Variants in ALMS1 observed in about 807,000 individuals in gnomAD.
The protein encoded by ALMS1 is ALMS1 centrosome and basal body associated protein.
A neutral mutation model predicts 352.2 loss-of-function variants in ALMS1; 271 were observed. The ratio of observed to expected loss-of-function variants is 0.77; its 90% CI spans 0.70 to 0.85. The LOEUF (loss-of-function observed/expected upper bound fraction) is 0.85, where lower values mean the gene tolerates loss of function less well. ALMS1 is among the 40% of genes least tolerant of loss of function. The pLI is 0.00. For missense variants in ALMS1, 5,445 were observed against 4,870.7 expected (o/e 1.12, Z -3.51); for synonymous variants, 1,865 against 1,761.2 (o/e 1.06, Z -1.48).
intron 10 of ALMS1, among the ~76,000 whole-genome samples, chr2:73,497,139 C>G (rs1419310353): frequency 6.6e-6 from 1 of 152,110 alleles, no homozygotes; most frequent in African/African-American, 2.4e-5. Context: ...AAAATATGCT[C>G]CTTCCTTCTG....
At chr2:73,422,495 G>T (rs576936773) in intron 3 of ALMS1, among the ~76,000 whole-genome samples, 2 of 152,268 alleles carry the variant, frequency 1.3e-5, no homozygotes, top group East Asian at 3.9e-4. Context: ...AAGAGCGTTT[G>T]CTAAAAGTTG....
rs2103785199 is a variant in ALMS1, at chr2:73,451,660, A to G, written c.5133A>G (p.Leu1711=). 6.2e-7 allele frequency: 1 copy of G among 1,613,720 alleles called. No homozygotes were observed. Among genetic ancestry groups the G allele is most frequent in the East Asian group, 2.2e-5 (1 of 44,814 alleles). Residue 1711 remains leucine, a synonymous_variant, in exon 8 of 23, where the codon TTA becomes TTG. Coordinates refer to ENST00000613296, the MANE Select transcript of ALMS1 (RefSeq NM_001378454.1). ...KTETPSVSSS[L]YSYREKPIVF... Reference sequence around the variant, plus strand: ...AGACACCATCAGTATCCTCTAGTTTATACTCATATAGAGAGAAGCCCATTG... The same window carrying G: ...AGACACCATCAGTATCCTCTAGTTTGTACTCATATAGAGAGAAGCCCATTG...
intron 7 of ALMS1, among the ~76,000 whole-genome samples, chr2:73,442,768 G>A (rs775480527): frequency 1.3e-5 from 2 of 152,100 alleles, no homozygotes; most frequent in Non-Finnish European, 2.9e-5. Context: ...CAGGGCTTCA[G>A]TTATTTCCTA....
At chr2:73,520,343 ATTATC>A (rs1017549696) in intron 11 of ALMS1, among the ~76,000 whole-genome samples, 4 of 152,190 alleles carry the variant, frequency 2.6e-5, no homozygotes, top group African/African-American at 7.2e-5. Flanking sequence ...TGGCGGATAA[ATTATC>A]TTGTATTACA....
chr2:73,450,302 A>G lies in ALMS1; in HGVS notation c.3775A>G (p.Thr1259Ala), dbSNP rs751253967. 3 of 1,612,830 alleles carry G rather than the reference A, an allele frequency of 1.9e-6. No individual in the cohort carries two copies. The highest frequency in any genetic ancestry group is 2.5e-6 in the Non-Finnish European group (3 of 1,179,560). Residue 1259 changes from threonine (T) to alanine (A), a missense_variant, in exon 8 of 23, where the codon ACT becomes GCT. Coordinates refer to ENST00000613296, the MANE Select transcript of ALMS1 (RefSeq NM_001378454.1). ...ACAGGTCTTGCCAGATAATCATCCA[A>G]CTGAAGAGGCTCTGAAAATTTCAGT... ...YQQVLPDNHPTEEALKISVAS... is the reference protein window; with the variant it reads ...YQQVLPDNHPAEEALKISVAS...
In ALMS1 at chr2:73,424,849, G is replaced by A. The variant is rs1264589561; in HGVS notation, c.1184G>A (p.Gly395Glu). 2.5e-6 allele frequency: 4 copies of A among 1,608,134 alleles called. No homozygotes were observed. Among genetic ancestry groups the A allele is most frequent in the Non-Finnish European group, 3.4e-6 (4 of 1,176,388 alleles). ...CATTTTGATGCTGCTCGTTCATATGGGCAGTATTGGACACAGGAAGATTCA... is the reference window on the plus strand; with the variant it reads ...CATTTTGATGCTGCTCGTTCATATGAGCAGTATTGGACACAGGAAGATTCA... ...SDHFDAARSY[G>E]QYWTQEDSSK... The change falls in exon 5 of 23, where the codon GGG becomes GAG. Residue 395 changes from glycine (G) to glutamate (E), a missense_variant. Physicochemically the swap from Gly to Glu is moderately conservative, Grantham distance 98. Coordinates refer to ENST00000613296, the MANE Select transcript of ALMS1 (RefSeq NM_001378454.1).
chr2:73,606,395 A>C (rs961293661), intron 21 of ALMS1, among the ~76,000 whole-genome samples: 3 of 152,180 alleles, frequency 2.0e-5, no homozygotes, highest in African/African-American at 7.2e-5. Flanking sequence ...GAAATCATAC[A>C]GGGTTTGTTG....
At chr2:73,573,633 G>A (rs764098240) in intron 16 of ALMS1, 29 of 671,318 alleles carry the variant, frequency 4.3e-5, no homozygotes, top group South Asian at 8.8e-5. Flanking sequence ...ATTACCTTTT[G>A]AATGAAGGGC....
chr2:73,439,208 C>T (rs980011738), intron 7 of ALMS1, among the ~76,000 whole-genome samples: 3 of 150,210 alleles, frequency 2.0e-5, no homozygotes, highest in African/African-American at 4.9e-5. Context: ...CCTTGAATTC[C>T]TGGGCTCAAG....
chr2:73,489,778 G>A lies in ALMS1; in HGVS notation c.7819G>A (p.Ala2607Thr), dbSNP rs1324287436. 11 of 1,613,964 alleles carry A rather than the reference G, an allele frequency of 6.8e-6. No homozygotes were observed. Among genetic ancestry groups the A allele is most frequent in the Non-Finnish European group, 9.3e-6 (11 of 1,180,028 alleles). The stretch of plus-strand genomic sequence containing the variant: ...TAGACACCCTTGTGCTTTCAGATCT[G>A]CTGGACCCTCAGAAATGACCAGAGG... ...LDRHPCAFRS[A>T]GPSEMTRGRQ... The change falls in exon 10 of 23, where the codon GCT becomes ACT. Residue 2607 changes from alanine to threonine, a missense_variant. Physicochemically the swap from Ala to Thr is moderately conservative, Grantham distance 58 (BLOSUM62 0). Coordinates refer to ENST00000613296, the MANE Select transcript of ALMS1 (RefSeq NM_001378454.1).
intron 9 of ALMS1, among the ~76,000 whole-genome samples, chr2:73,481,434 A>G (rs1490654649): frequency 6.6e-6 from 1 of 152,050 alleles, no homozygotes; most frequent in South Asian, 2.1e-4. Flanking sequence ...CCATTGATCT[A>G]TATCTCTGTT....
rs79817414 is a variant in ALMS1 at position 73,415,989 on chromosome 2, A to C, written c.451-3134A>C. 5.5e-3 allele frequency among the ~76,000 whole-genome samples: 838 copies of C among 152,300 alleles called. 10 individuals carry two copies. Among genetic ancestry groups the C allele is most frequent in the African/African-American group, 0.018 (746 of 41,562 alleles). ...AATTATTGCAGTAGAGGAACTAGAGAGTAAGTGATCTGTGGAGGTCAGAGG... is the reference window on the plus strand; with the variant it reads ...AATTATTGCAGTAGAGGAACTAGAGCGTAAGTGATCTGTGGAGGTCAGAGG... On this transcript the variant is annotated intron_variant, in intron 2 of 22. Transcript: ENST00000613296.
intron 13 of ALMS1, among the ~76,000 whole-genome samples, chr2:73,555,388 G>A (rs1674521644): frequency 6.6e-6 from 1 of 152,140 alleles, no homozygotes. Flanking sequence ...ATTCAATAGA[G>A]TTTGAACCAA....
At chr2:73,440,504 ACCT>A (rs1433610924) in intron 7 of ALMS1, among the ~76,000 whole-genome samples, 2 of 150,886 alleles carry the variant, frequency 1.3e-5, no homozygotes, top group Non-Finnish European at 3.0e-5. Context: ...GCTCACTGAA[ACCT>A]CTGCTTCCGG....
intron 7 of ALMS1, among the ~76,000 whole-genome samples, chr2:73,435,882 A>G (rs1671595869): frequency 1.3e-5 from 2 of 152,318 alleles, no homozygotes; most frequent in South Asian, 4.1e-4. Context: ...GTGAGCCACC[A>G]TGCCAGCCTG....
chr2:73,435,039 G>A (rs1453011858), intron 7 of ALMS1, among the ~76,000 whole-genome samples: 3 of 152,090 alleles, frequency 2.0e-5, no homozygotes, highest in Non-Finnish European at 4.4e-5. Flanking sequence ...AGTCTGTTTT[G>A]TCTTAGGTTA....
intron 12 of ALMS1, among the ~76,000 whole-genome samples, chr2:73,549,389 C>T (rs1057289901): frequency 1.3e-5 from 2 of 152,040 alleles, no homozygotes; most frequent in African/African-American, 2.4e-5. Context: ...GTTGAAAAAT[C>T]TTCCGTTATG....
chr2:73,492,195 GA>G (rs1182818787), intron 10 of ALMS1, among the ~76,000 whole-genome samples: 1 of 152,172 alleles, frequency 6.6e-6, no homozygotes, highest in Non-Finnish European at 1.5e-5. Context: ...ATGATATGGT[GA>G]AGCAGAACTA....
chr2:73,433,175 G>C (rs768372919), intron 7 of ALMS1, among the ~76,000 whole-genome samples: 100 of 152,316 alleles, frequency 6.6e-4, no homozygotes, highest in Non-Finnish European at 1.2e-3. Context: ...AGTCAGCTCA[G>C]GTTAGTGATA....
Sources: allele counts gnomAD v4.1 joint callset (sites outside exome capture counted in the v4.1 genomes callset), GRCh38; gene constraint gnomAD v4.1.1; transcripts MANE v1.5; gene names NCBI Gene and HGNC (gene_info 2026-07-23, HGNC 2026-07-21).